The following STXBP5L variants were observed in gnomAD, a reference collection of about 807,000 sequenced individuals.
The protein encoded by STXBP5L is syntaxin-binding protein 5-like.
In STXBP5L, 65 loss-of-function variants were observed where a neutral mutation model predicts 144.5. The observed-to-expected ratio is 0.45, with a 90% CI of 0.37 to 0.55. STXBP5L has a LOEUF of 0.55. Ranked by LOEUF, STXBP5L falls within the 20% of genes least tolerant of loss-of-function variation. The probability of loss-of-function intolerance (pLI) is 0.00; values close to 1 mark genes in which losing one functional copy is unlikely to be tolerated. For missense variants in STXBP5L, 1,298 were observed against 1,405.5 expected (o/e 0.92, Z 1.22); for synonymous variants, 505 against 469.6 (o/e 1.08, Z -0.97).
chr3:121,088,003 T>C lies in STXBP5L; in HGVS notation c.471-26922T>C, dbSNP rs1032928429. The stretch of plus-strand genomic sequence containing the variant: ...ATTTTATTGTTTTTCCCTATATATA[T>C]TATGAACCACATCAGACTATGTTAT... On this transcript the variant is annotated intron_variant, in intron 5 of 26. Coordinates refer to ENST00000471454, the MANE Select transcript of STXBP5L (RefSeq NM_001308330.2). Among the ~76,000 whole-genome samples, 5 of 152,102 alleles carry C rather than the reference T, an allele frequency of 3.3e-5. 1 individual carries two copies. The highest frequency in any genetic ancestry group is 4.1e-4 in the South Asian group (2 of 4,822).
At chr3:121,270,407 G>A (rs1441860656) in intron 18 of STXBP5L, among the ~76,000 whole-genome samples, 1 of 151,852 alleles carries the variant, frequency 6.6e-6, no homozygotes, top group African/African-American at 2.4e-5. Context: ...ATCTGGCATT[G>A]CTTTTAGTTT....
At chr3:121,023,024 C>G (rs993626541) in intron 3 of STXBP5L, among the ~76,000 whole-genome samples, 2 of 151,886 alleles carry the variant, frequency 1.3e-5, no homozygotes, top group African/African-American at 4.8e-5. Context: ...TAAAAAGCTC[C>G]TAGAACTGGT....
At chr3:121,405,128 G>A (rs980717277) in intron 22 of STXBP5L, among the ~76,000 whole-genome samples, 1 of 152,018 alleles carries the variant, frequency 6.6e-6, no homozygotes, top group Non-Finnish European at 1.5e-5. Flanking sequence ...ATACCCTTAT[G>A]ATCTCATTTA....
chr3:121,091,368 T>C (rs1027135239), intron 5 of STXBP5L, among the ~76,000 whole-genome samples: 1 of 150,150 alleles, frequency 6.7e-6, no homozygotes, highest in African/African-American at 2.5e-5. Context: ...ACTTCCACAA[T>C]GGTTGAACTA....
Position 121,407,369 on chromosome 3 carries a change from G to A in STXBP5L, c.2714G>A (p.Trp905Ter). ...PNNIDENEKS[W>*]RRKVVMNSSS... ...AACATAGATGAAAATGAAAAATCTT[G>A]GAGAAGGAAAGTGGTAATGAACTCA... The change falls in exon 23 of 27, where the codon TGG (tryptophan) becomes TAG (stop). Residue 905 changes from tryptophan (W) to a stop codon, truncating the protein, a stop_gained. Coordinates refer to ENST00000471454, the MANE Select transcript of STXBP5L (RefSeq NM_001308330.2). LOFTEE classifies it high-confidence loss of function. 2 of 1,612,922 alleles carry A rather than the reference G, an allele frequency of 1.2e-6. No individual in the cohort carries two copies. The highest frequency in any genetic ancestry group is 1.7e-6 in the Non-Finnish European group (2 of 1,179,310).
At chr3:121,231,161 C>T (rs915093053) in intron 11 of STXBP5L, among the ~76,000 whole-genome samples, 5 of 152,106 alleles carry the variant, frequency 3.3e-5, no homozygotes, top group African/African-American at 9.7e-5. Context: ...CAAGAGTGTA[C>T]GGCCATTTTG....
At chr3:121,031,574 A>G (rs1210586465) in intron 3 of STXBP5L, among the ~76,000 whole-genome samples, 1 of 152,024 alleles carries the variant, frequency 6.6e-6, no homozygotes. Context: ...TTCTCAGGGA[A>G]CTTGGTCTTA....
chr3:121,131,758 G>A (rs745610910), intron 7 of STXBP5L, among the ~76,000 whole-genome samples: 2 of 152,194 alleles, frequency 1.3e-5, no homozygotes, highest in Non-Finnish European at 2.9e-5. Context: ...TGGAAAAGGA[G>A]TGATATCAGC....
chr3:121,096,272 T>A (rs1195263616), intron 5 of STXBP5L, among the ~76,000 whole-genome samples: 1 of 152,206 alleles, frequency 6.6e-6, no homozygotes, highest in African/African-American at 2.4e-5. Context: ...TCTTCACGCT[T>A]CTTAGCTTGC....
intron 5 of STXBP5L, among the ~76,000 whole-genome samples, chr3:121,060,782 G>C (rs955402273): frequency 2.0e-5 from 3 of 152,174 alleles, no homozygotes; most frequent in African/African-American, 4.8e-5. Flanking sequence ...AGTATTCTCT[G>C]ATGGTAGTTT....
intron 9 of STXBP5L, among the ~76,000 whole-genome samples, chr3:121,191,296 G>A (rs561247037): frequency 4.2e-4 from 64 of 152,320 alleles, no homozygotes; most frequent in African/African-American, 1.4e-3. Flanking sequence ...CTGGCACCTC[G>A]GGAGGCTGAG....
chr3:121,261,961 A>T (rs566768902), intron 18 of STXBP5L, among the ~76,000 whole-genome samples: 2 of 152,322 alleles, frequency 1.3e-5, no homozygotes, highest in East Asian at 3.9e-4. Context: ...AGGTCTCAGG[A>T]GATTCAGTGT....
chr3:120,980,461 T>A (rs1377610439), intron 3 of STXBP5L, among the ~76,000 whole-genome samples: 2 of 33,752 alleles, frequency 5.9e-5, no homozygotes, highest in Admixed American at 4.4e-4. Flanking sequence ...AATGTCCTGC[T>A]TTTTTTTTTT....
At chr3:121,087,750 C>T (rs1401492747) in intron 5 of STXBP5L, among the ~76,000 whole-genome samples, 6 of 151,186 alleles carry the variant, frequency 4.0e-5, no homozygotes, top group African/African-American at 1.5e-4. Context: ...GCTTTTTTCC[C>T]CTTGCCTTTC....
At chr3:121,099,319 A>T (rs531738394) in intron 5 of STXBP5L, 15 of 152,336 alleles carry the variant, frequency 9.8e-5, no homozygotes, top group African/African-American at 2.9e-4. Context: ...CAGATACATG[A>T]TACTGGAGAA....
chr3:120,957,592 T>G (rs1272129157), intron 3 of STXBP5L, among the ~76,000 whole-genome samples: 1 of 152,004 alleles, frequency 6.6e-6, no homozygotes, highest in African/African-American at 2.4e-5. Flanking sequence ...TTTTCAATTT[T>G]TTTCTTAAGA....
intron 17 of STXBP5L, 131 bp downstream of exon 17, chr3:121,257,464 C>A: frequency 1.3e-6 from 1 of 750,884 alleles, no homozygotes; most frequent in Non-Finnish European, 2.0e-6. Context: ...TCAGGGGTTA[C>A]TCTGGTCTTT....
chr3:120,977,776 A>T (rs972490370), intron 3 of STXBP5L, among the ~76,000 whole-genome samples: 5 of 151,410 alleles, frequency 3.3e-5, no homozygotes, highest in African/African-American at 4.9e-5. Context: ...CTTGTCTGTG[A>T]AGTATTTTAT....
In STXBP5L at chr3:120,961,430, G is replaced by A. The variant is rs560384898; in HGVS notation, c.287+6393G>A. ...TAATGCTATCCCTCCCCCAGCCCTC[G>A]TCCCCCAACGAGGCCCCAGTGTGTG... On this transcript the variant is annotated intron_variant, in intron 3 of 26. Transcript: ENST00000471454. Among the ~76,000 whole-genome samples, 211 of 151,390 alleles carry A rather than the reference G, an allele frequency of 1.4e-3. 1 individual carries two copies. Among genetic ancestry groups the A allele is most frequent in the African/African-American group, 3.4e-3 (139 of 41,284 alleles).
Sources: allele counts gnomAD v4.1 joint callset (sites outside exome capture counted in the v4.1 genomes callset), GRCh38; gene constraint gnomAD v4.1.1; transcripts MANE v1.5; gene names NCBI Gene and HGNC (gene_info 2026-07-23, HGNC 2026-07-21).